Variants in BACH2 observed in about 807,000 individuals in gnomAD.
The protein encoded by BACH2 is transcription regulator protein BACH2.
A neutral mutation model predicts 61.8 loss-of-function variants in BACH2; 5 were observed. That is an observed-to-expected ratio of 0.08 (90% CI 0.04 to 0.17). The LOEUF (loss-of-function observed/expected upper bound fraction) is 0.17, where lower values mean the gene tolerates loss of function less well. Among genes scored for constraint, BACH2 ranks in the 10% least tolerant of loss-of-function variants. The probability of loss-of-function intolerance (pLI) is 1.00; values close to 1 mark genes in which losing one functional copy is unlikely to be tolerated. For missense variants in BACH2, 824 were observed against 1,091.1 expected, an observed-to-expected ratio of 0.76 and a Z score of 3.45; for synonymous variants, 446 against 440.1, an observed-to-expected ratio of 1.01 and a Z score of -0.17.
chr6:90,271,379 A>G (rs544170925), intron 2 of BACH2, among the ~76,000 whole-genome samples: 2 of 150,346 alleles, frequency 1.3e-5, no homozygotes, highest in East Asian at 1.9e-4. Context: ...AAAAAAAAAA[A>G]AAAGAAAAAA....
intron 6 of BACH2, among the ~76,000 whole-genome samples, chr6:89,981,468 G>A (rs996586495): frequency 6.6e-6 from 1 of 152,104 alleles, no homozygotes; most frequent in East Asian, 1.9e-4. Context: ...GAGTTAAAGA[G>A]AGAACACATT....
intron 5 of BACH2, among the ~76,000 whole-genome samples, chr6:90,023,515 C>G (rs992732580): frequency 6.6e-6 from 1 of 152,196 alleles, no homozygotes; most frequent in Non-Finnish European, 1.5e-5. Flanking sequence ...GCTTCCTGTA[C>G]AGCCTGCAGA....
chr6:90,204,233 G>T (rs1769059857), intron 4 of BACH2, among the ~76,000 whole-genome samples: 1 of 152,104 alleles, frequency 6.6e-6, no homozygotes, highest in African/African-American at 2.4e-5. Flanking sequence ...TGAGGAAGAG[G>T]AGAGTGCACA....
intron 6 of BACH2, among the ~76,000 whole-genome samples, chr6:89,983,782 A>G (rs1776086969): frequency 6.6e-6 from 1 of 152,262 alleles, no homozygotes; most frequent in Non-Finnish European, 1.5e-5. Flanking sequence ...AAGGCTACTT[A>G]GCGGTATTGA....
chr6:90,188,820 T>TA (rs985929521), intron 4 of BACH2, among the ~76,000 whole-genome samples: 12 of 148,152 alleles, frequency 8.1e-5, no homozygotes, highest in South Asian at 2.1e-4. Flanking sequence ...AGCATTGGAT[T>TA]AAAAAAAAAT....
At chr6:89,938,030 C>A in intron 8 of BACH2, 114 bp downstream of exon 8, 3 of 976,630 alleles carry the variant, frequency 3.1e-6, no homozygotes, top group East Asian at 4.8e-5. Flanking sequence ...AAAAATAAAC[C>A]CAAACTTCCG....
chr6:90,075,291 A>T (rs1464247120), intron 5 of BACH2, among the ~76,000 whole-genome samples: 1 of 152,208 alleles, frequency 6.6e-6, no homozygotes. Context: ...CAGTGAATAA[A>T]GCAAAGTCTG....
chr6:89,948,039 A>C (rs1284150452), intron 7 of BACH2, among the ~76,000 whole-genome samples: 1 of 152,168 alleles, frequency 6.6e-6, no homozygotes, highest in Non-Finnish European at 1.5e-5. Context: ...TGGTCCCAAC[A>C]TACACACAAA....
At chr6:90,102,825 AATAAT>A (rs1782709121) in intron 4 of BACH2, among the ~76,000 whole-genome samples, 1 of 139,186 alleles carries the variant, frequency 7.2e-6, no homozygotes, top group African/African-American at 2.7e-5. Context: ...TAATAATAAT[AATAAT>A]AATAATAATA....
chr6:90,258,986 C>A (rs987528979), intron 2 of BACH2, among the ~76,000 whole-genome samples: 1 of 152,110 alleles, frequency 6.6e-6, no homozygotes, highest in Non-Finnish European at 1.5e-5. Context: ...TTTTTCCCCC[C>A]CTACAATATA....
chr6:90,255,822 C>T (rs1475343537), intron 2 of BACH2, among the ~76,000 whole-genome samples: 1 of 152,088 alleles, frequency 6.6e-6, no homozygotes, highest in East Asian at 1.9e-4. Context: ...ATACTATCTC[C>T]GACTGAAGGG....
chr6:90,242,018 G>A (rs913956236), intron 3 of BACH2, among the ~76,000 whole-genome samples: 13 of 150,488 alleles, frequency 8.6e-5, no homozygotes, highest in South Asian at 6.3e-4. Context: ...CCTCTTCCCC[G>A]TTTCCCCTGT....
chr6:90,140,092 T>A (rs1324953648), intron 4 of BACH2, among the ~76,000 whole-genome samples: 1 of 152,152 alleles, frequency 6.6e-6, no homozygotes, highest in Non-Finnish European at 1.5e-5. Flanking sequence ...ATGCTGGTGC[T>A]CCAGCCATCA....
rs191330163 is a variant in BACH2, at chr6:90,011,589, T to G, written c.-12-2733A>C. 7.2e-5 allele frequency among the ~76,000 whole-genome samples: 11 copies of G among 152,338 alleles called. No individual in the cohort carries two copies. In the East Asian group the frequency reaches 2.1e-3, roughly 29 times the overall value. ...ACTTTGGAGTGCAGTGGCATGGCCATAGCTCACAGCAGTAGCTGGCACTAC... is the reference window on the plus strand; with the variant it reads ...ACTTTGGAGTGCAGTGGCATGGCCAGAGCTCACAGCAGTAGCTGGCACTAC... On this transcript the variant is annotated intron_variant, in intron 5 of 8. Transcript: ENST00000257749.
At chr6:90,266,236 G>C (rs1771324951) in intron 2 of BACH2, among the ~76,000 whole-genome samples, 2 of 152,136 alleles carry the variant, frequency 1.3e-5, no homozygotes, top group African/African-American at 4.8e-5. Context: ...CAGAGGGTGT[G>C]ATATGGAGGG....
intron 4 of BACH2, among the ~76,000 whole-genome samples, chr6:90,191,699 T>G (rs1196156353): frequency 6.6e-6 from 1 of 152,208 alleles, no homozygotes; most frequent in Non-Finnish European, 1.5e-5. Flanking sequence ...CCAACTACTG[T>G]GCAAATTGGG....
At chr6:90,240,228 T>C (rs1770399011) in intron 3 of BACH2, among the ~76,000 whole-genome samples, 1 of 152,184 alleles carries the variant, frequency 6.6e-6, no homozygotes, top group African/African-American at 2.4e-5. Context: ...TCCAATACTA[T>C]CTTTTTTAAT....
intron 6 of BACH2, among the ~76,000 whole-genome samples, chr6:90,007,444 G>A (rs906621613): frequency 1.3e-5 from 2 of 152,176 alleles, no homozygotes; most frequent in African/African-American, 4.8e-5. Context: ...TGGGGCTACA[G>A]GTGCACTCTA....
chr6:89,947,731 A>C (rs1337457780), intron 7 of BACH2, among the ~76,000 whole-genome samples: 1 of 151,298 alleles, frequency 6.6e-6, no homozygotes, highest in South Asian at 2.1e-4. Flanking sequence ...ACGCCCAGCT[A>C]ATTTTTTTTT....
Sources: allele counts gnomAD v4.1 joint callset (sites outside exome capture counted in the v4.1 genomes callset), GRCh38; gene constraint gnomAD v4.1.1; transcripts MANE v1.5; gene names NCBI Gene and HGNC (gene_info 2026-07-23, HGNC 2026-07-21).